Variants in SNX29 observed in about 807,000 individuals in gnomAD.
The protein encoded by SNX29 is sorting nexin 29.
A neutral mutation model predicts 102.1 loss-of-function variants in SNX29; 78 were observed. The observed-to-expected ratio is 0.76, with a 90% confidence interval of 0.64 to 0.92. The LOEUF (loss-of-function observed/expected upper bound fraction) is 0.92. Among genes scored for constraint, SNX29 ranks in the 40% least tolerant of loss-of-function variants. The probability of loss-of-function intolerance (pLI) is 0.00; values close to 1 mark genes in which losing one functional copy is unlikely to be tolerated. For missense variants in SNX29, 1,280 were observed against 1,061.7 expected (o/e 1.21, Z -2.86); for synonymous variants, 580 against 414.5 (o/e 1.40, Z -4.85).
chr16:12,549,690 C>T (rs762324433), intron 20 of SNX29, among the ~76,000 whole-genome samples: 18 of 152,206 alleles, frequency 1.2e-4, no homozygotes, highest in South Asian at 4.1e-4. Context: ...ATCTTGATGT[C>T]GCAGATGCTG....
intron 15 of SNX29, among the ~76,000 whole-genome samples, chr16:12,289,023 G>A (rs1434939208): frequency 2.0e-5 from 3 of 152,210 alleles, no homozygotes; most frequent in Admixed American, 6.5e-5. Context: ...CCAGGAAAAT[G>A]AATGCAGTGA....
chr16:12,436,894 C>T (rs1427607082), intron 18 of SNX29, among the ~76,000 whole-genome samples: 1 of 152,172 alleles, frequency 6.6e-6, no homozygotes, highest in African/African-American at 2.4e-5. Flanking sequence ...CTCAAGTGGT[C>T]TGCCTGCCTC....
At chr16:12,046,552 C>T in intron 6 of SNX29, 98 bp downstream of exon 6, 1 of 1,146,664 alleles carries the variant, frequency 8.7e-7, no homozygotes. Flanking sequence ...TGTGATTCTT[C>T]TGTCCCTCAA....
chr16:12,084,058 G>A (rs2052039171), intron 11 of SNX29, among the ~76,000 whole-genome samples: 1 of 152,182 alleles, frequency 6.6e-6, no homozygotes, highest in Non-Finnish European at 1.5e-5. Context: ...CTGAAGAGAA[G>A]ATGGTGTATC....
At chr16:12,426,420 G>C (rs1393946029) in intron 18 of SNX29, among the ~76,000 whole-genome samples, 2 of 152,146 alleles carry the variant, frequency 1.3e-5, no homozygotes, top group Non-Finnish European at 1.5e-5. Context: ...CAAAACACAT[G>C]GTCAGGCCTG....
intron 13 of SNX29, among the ~76,000 whole-genome samples, chr16:12,179,878 C>A (rs2076342900): frequency 8.3e-6 from 1 of 120,700 alleles, no homozygotes; most frequent in East Asian, 2.9e-4. Flanking sequence ...AAGTCTTCTC[C>A]TTAGAAGACT....
At chr16:12,029,636 G>T (rs1478290041) in intron 4 of SNX29, 1 of 450,644 alleles carries the variant, frequency 2.2e-6, no homozygotes, top group African/African-American at 2.0e-5. Flanking sequence ...CTGTTGCCCA[G>T]TCTGGAGTGC....
intron 20 of SNX29, among the ~76,000 whole-genome samples, chr16:12,525,237 C>T (rs1248910221): frequency 1.3e-5 from 2 of 151,842 alleles, no homozygotes; most frequent in Admixed American, 6.6e-5. Flanking sequence ...TCCCAGACTC[C>T]TACCAGTATT....
At chr16:12,473,938 CTCTG>C (rs1160082990) in intron 18 of SNX29, among the ~76,000 whole-genome samples, 2 of 152,328 alleles carry the variant, frequency 1.3e-5, no homozygotes, top group East Asian at 1.9e-4. Context: ...CTCGGGGCTG[CTCTG>C]TCTATGGAGT....
intron 16 of SNX29, among the ~76,000 whole-genome samples, chr16:12,381,320 CCCAT>C: frequency 9.8e-6 from 1 of 101,984 alleles, no homozygotes; most frequent in Admixed American, 1.0e-4. Context: ...TACCCACCCA[CCCAT>C]CGTTCATCTC....
chr16:12,485,235 A>C (rs2151844746), intron 19 of SNX29, among the ~76,000 whole-genome samples: 1 of 152,244 alleles, frequency 6.6e-6, no homozygotes, highest in Middle Eastern at 3.4e-3. Context: ...GGTCTGAGGG[A>C]GTTGACCGGT....
intron 3 of SNX29, among the ~76,000 whole-genome samples, chr16:12,013,950 CTTTATT>C (rs1329630802): frequency 1.3e-5 from 2 of 151,950 alleles, no homozygotes; most frequent in African/African-American, 4.8e-5. Context: ...CGTGCCTGGC[CTTTATT>C]TTTATTTATT....
chr16:12,368,174 C>T (rs984199205), intron 16 of SNX29, among the ~76,000 whole-genome samples: 5 of 152,196 alleles, frequency 3.3e-5, no homozygotes, highest in African/African-American at 1.2e-4. Flanking sequence ...TCAGTTTCCC[C>T]TGGGGACCCA....
intron 19 of SNX29, among the ~76,000 whole-genome samples, chr16:12,514,198 CAG>C (rs1401518727): frequency 3.3e-5 from 5 of 152,206 alleles, no homozygotes; most frequent in Non-Finnish European, 5.9e-5. Flanking sequence ...ATTGAAGACT[CAG>C]AGCTGTTTTC....
At chr16:11,982,719 G>A (rs1294125416) in intron 1 of SNX29, among the ~76,000 whole-genome samples, 2 of 152,132 alleles carry the variant, frequency 1.3e-5, no homozygotes, top group African/African-American at 4.8e-5. Flanking sequence ...GTGAGCCACC[G>A]TGCCCGGTCT....
At chr16:12,471,016 G>A (rs1377268990) in intron 18 of SNX29, among the ~76,000 whole-genome samples, 2 of 152,198 alleles carry the variant, frequency 1.3e-5, no homozygotes, top group East Asian at 1.9e-4. Context: ...CTGTGGGGAC[G>A]TGAACCCAGG....
chr16:12,401,550 G>A (rs1234700469), intron 17 of SNX29, among the ~76,000 whole-genome samples: 1 of 151,742 alleles, frequency 6.6e-6, no homozygotes, highest in Non-Finnish European at 1.5e-5. Flanking sequence ...TTTTAGTAGA[G>A]ACAGGGTTTC....
intron 15 of SNX29, among the ~76,000 whole-genome samples, chr16:12,279,751 C>T (rs1486188393): frequency 6.6e-6 from 1 of 152,192 alleles, no homozygotes; most frequent in Non-Finnish European, 1.5e-5. Flanking sequence ...TGCTGCGTAA[C>T]CCTTGAATTT....
chr16:12,031,074 G>A (rs1027825739), intron 4 of SNX29, among the ~76,000 whole-genome samples: 8 of 151,562 alleles, frequency 5.3e-5, no homozygotes, highest in African/African-American at 1.9e-4. Flanking sequence ...ATTCAGTTCT[G>A]TATTTTTTTT....
Sources: gnomAD v4.1 joint callset for allele counts (sites outside exome capture counted in the v4.1 genomes callset) on GRCh38, gnomAD v4.1.1 for gene constraint, MANE v1.5 for transcripts, NCBI Gene and HGNC (gene_info 2026-07-23, HGNC 2026-07-21) for gene names.